The following DICER1 variants were observed in gnomAD, a reference collection of about 807,000 sequenced individuals.
The protein encoded by DICER1 is endoribonuclease Dicer.
Under a neutral mutation model 194.1 loss-of-function variants are expected in DICER1, and 43 were observed. The ratio of observed to expected loss-of-function variants is 0.22; its 90% CI spans 0.17 to 0.29. The LOEUF is 0.29. DICER1 is among the 10% of genes least tolerant of loss of function. The probability of loss-of-function intolerance (pLI) is 1.00; values close to 1 mark genes in which losing one functional copy is unlikely to be tolerated. For missense variants in DICER1, 1,608 were observed against 2,317.0 expected, an observed-to-expected ratio of 0.69 and a Z score of 6.28; for synonymous variants, 832 against 820.5, an observed-to-expected ratio of 1.01 and a Z score of -0.24.
At chr14:95,094,193 G>A (rs1231234716) in intron 23 of DICER1, 37 bp from the exon 24 acceptor site, 2 of 1,612,754 alleles carry the variant, frequency 1.2e-6, no homozygotes, top group Non-Finnish European at 1.7e-6. Flanking sequence ...AGCTTGTGCA[G>A]AAGCATTTAC....
At chr14:95,114,003 A>G (rs1242936280) in intron 11 of DICER1, among the ~76,000 whole-genome samples, 1 of 152,254 alleles carries the variant, frequency 6.6e-6, no homozygotes, top group Non-Finnish European at 1.5e-5. Flanking sequence ...GAGGAAATCT[A>G]GAATGAAACC....
chr14:95,115,614 C>T, intron 11 of DICER1, 53 bp downstream of exon 11: 2 of 1,598,828 alleles, frequency 1.3e-6, no homozygotes, highest in Non-Finnish European at 1.7e-6. Flanking sequence ...CAGGTTTAGA[C>T]TTAAACTGTG....
At chr14:95,135,438 C>A (rs1219281702) in intron 1 of DICER1, among the ~76,000 whole-genome samples, 2 of 148,934 alleles carry the variant, frequency 1.3e-5, no homozygotes, top group Non-Finnish European at 3.0e-5. Flanking sequence ...CCAGCAGCAC[C>A]CCCTCCTCCC....
intron 14 of DICER1, among the ~76,000 whole-genome samples, chr14:95,109,567 G>T (rs959171452): frequency 1.3e-5 from 2 of 152,172 alleles, no homozygotes; most frequent in Non-Finnish European, 2.9e-5. Context: ...TATCATTAAC[G>T]ACTTTATCAC....
chr14:95,135,693 T>C (rs796337053), intron 1 of DICER1, among the ~76,000 whole-genome samples: 3 of 152,342 alleles, frequency 2.0e-5, no homozygotes, highest in African/African-American at 4.8e-5. Context: ...ATCCTTAGTA[T>C]TACGTCCTCC....
intron 1 of DICER1, among the ~76,000 whole-genome samples, chr14:95,144,292 G>A (rs572216747): frequency 6.6e-6 from 1 of 152,162 alleles, no homozygotes; most frequent in Non-Finnish European, 1.5e-5. Flanking sequence ...AGGCAACTGG[G>A]GATATAGGAA....
At chr14:95,133,278 G>C (rs1435991472) in intron 2 of DICER1, 37 bp downstream of exon 2, 1 of 1,609,678 alleles carries the variant, frequency 6.2e-7, no homozygotes, top group Admixed American at 1.7e-5. Context: ...TTCCATTTTA[G>C]TGTAGAATGC....
intron 1 of DICER1, among the ~76,000 whole-genome samples, chr14:95,152,888 A>C (rs1055784765): frequency 6.6e-6 from 1 of 152,200 alleles, no homozygotes; most frequent in Admixed American, 6.5e-5. Context: ...CGATACAACC[A>C]GTCTTACTTT....
At chr14:95,108,588 G>T in intron 14 of DICER1, 85 bp from the exon 15 acceptor site, 1 of 1,255,136 alleles carries the variant, frequency 8.0e-7, no homozygotes, top group Non-Finnish European at 1.2e-6. Context: ...AATTAATTCT[G>T]GCTTTACTAA....
At chr14:95,126,793 ATGC>A in intron 6 of DICER1, 45 bp from the exon 7 acceptor site, 1 of 1,230,892 alleles carries the variant, frequency 8.1e-7, no homozygotes, top group East Asian at 2.4e-5. Flanking sequence ...AGTAGTGAGA[ATGC>A]AATTTAAAAA....
intron 1 of DICER1, among the ~76,000 whole-genome samples, chr14:95,151,666 T>TA (rs1895522332): frequency 6.6e-6 from 1 of 152,204 alleles, no homozygotes; most frequent in Admixed American, 6.5e-5. Context: ...TAAGCATCCC[T>TA]ACAAAGCTAT....
chr14:95,132,047 A>G (rs923629992), intron 3 of DICER1, among the ~76,000 whole-genome samples: 4 of 152,226 alleles, frequency 2.6e-5, no homozygotes, highest in African/African-American at 9.6e-5. Context: ...TTCACATTTT[A>G]TATTTTTTAT....
At position 95,094,297 on chromosome 14, in the gene DICER1, A is replaced by G. The variant is rs1252664879; in HGVS notation, c.5096-141T>C. On this transcript the variant is annotated intron_variant, in intron 23 of 26. Coordinates refer to ENST00000343455, the MANE Select transcript of DICER1 (RefSeq NM_177438.3). ...ATATTCTTCAAAAAGGATATCTGAC[A>G]TATCATACTAAAAAGCCTCTGGAAA... 6 of 1,084,526 alleles carry G rather than the reference A, an allele frequency of 5.5e-6. No homozygotes were observed. In the Admixed American group the frequency reaches 7.0e-5, roughly 13 times the overall value. 67.2% of individuals were successfully genotyped at this position (1,084,526 alleles called of 1,614,324 possible). A position where few individuals can be genotyped will look rare whatever the true frequency, so the allele number is the denominator to read the frequency against.
rs1426989366 is a variant in DICER1, at chr14:95,089,427, TTAAA to T, written c.*1067_*1070del. 4.3e-6 allele frequency: 1 copy of T among 232,760 alleles called. No individual in the cohort carries two copies. Among genetic ancestry groups the T allele is most frequent in the Non-Finnish European group, 8.5e-6 (1 of 117,824 alleles). 14.4% of individuals were successfully genotyped at this position (232,760 alleles called of 1,614,324 possible). ...GGGTAAAGGTGCTGTGTTTTGCTTC[TTAAA>T]TAAGTAACCAATCAATTATAAAATC... On this transcript the variant is annotated 3_prime_UTR_variant, in exon 27 of 27. Transcript: ENST00000343455.
intron 22 of DICER1, among the ~76,000 whole-genome samples, chr14:95,098,622 T>C (rs1890576449): frequency 6.6e-6 from 1 of 152,192 alleles, no homozygotes; most frequent in African/African-American, 2.4e-5. Flanking sequence ...CCAAAAACAT[T>C]ATGAAACGGT....
chr14:95,115,569 C>T, intron 11 of DICER1, 98 bp downstream of exon 11: 2 of 1,350,826 alleles, frequency 1.5e-6, no homozygotes, highest in Non-Finnish European at 2.1e-6. Flanking sequence ...TAAGTAAAGA[C>T]TGGTAACCGC....
At chr14:95,099,240 GTCT>G (rs1386448292) in intron 22 of DICER1, among the ~76,000 whole-genome samples, 3 of 152,054 alleles carry the variant, frequency 2.0e-5, no homozygotes, top group South Asian at 4.1e-4. Context: ...GATATTTGGA[GTCT>G]TCTTAAGTCA....
Position 95,104,058 on chromosome 14 carries a change from G to T in DICER1, c.3338C>A (p.Ser1113Tyr), listed in dbSNP as rs143841809. The T allele has an allele frequency of 1.2e-5, 19 of 1,613,954 alleles. No homozygotes were observed. The African/African-American group carries it at 1.7e-4, about 15-fold the overall frequency. ...DSKSFISISN[S>Y]SSAENDNYCK... ...GTAATTATCATTTTCAGCTGAAGAG[G>T]AGTTAGAAATTGAGATGAAAGATTT... Residue 1113 changes from serine to tyrosine, a missense_variant, in exon 21 of 27, where the codon TCC (serine) becomes TAC (tyrosine). Ser to Tyr is a moderately radical substitution (Grantham distance 144, BLOSUM62 -2). Transcript: ENST00000343455.
intron 8 of DICER1, among the ~76,000 whole-genome samples, chr14:95,122,438 G>A (rs1012971123): frequency 3.3e-5 from 5 of 152,132 alleles, no homozygotes; most frequent in Non-Finnish European, 2.9e-5. Flanking sequence ...CTCCCAAAAT[G>A]CTTTTTCCCT....
Sources: allele counts gnomAD v4.1 joint callset (sites outside exome capture counted in the v4.1 genomes callset), GRCh38; gene constraint gnomAD v4.1.1; transcripts MANE v1.5; gene names NCBI Gene and HGNC (gene_info 2026-07-23, HGNC 2026-07-21).